Variants in ALDH1A2 observed in about 807,000 individuals in gnomAD.
ALDH1A2 encodes retinal dehydrogenase 2.
In ALDH1A2, 27 loss-of-function variants were observed where a neutral mutation model predicts 60.3. That is an observed-to-expected ratio of 0.45 (90% confidence interval 0.33 to 0.62). The LOEUF is 0.62. Among genes scored for constraint, ALDH1A2 ranks in the 20% least tolerant of loss-of-function variants. ALDH1A2 has a pLI of 0.02. For synonymous variants in ALDH1A2, 289 were observed against 232.4 expected (o/e 1.24, Z -2.21); for missense variants, 581 against 643.8 (o/e 0.90, Z 1.06).
intron 1 of ALDH1A2, among the ~76,000 whole-genome samples, chr15:58,063,655 G>T (rs957892900): frequency 2.6e-5 from 4 of 152,138 alleles, no homozygotes; most frequent in African/African-American, 4.8e-5. Flanking sequence ...ACAGATACCT[G>T]ATTTTACAAG....
intron 1 of ALDH1A2, chr15:58,014,551 C>T (rs1291592029): frequency 2.0e-6 from 1 of 505,768 alleles, no homozygotes; most frequent in Non-Finnish European, 3.9e-6. Flanking sequence ...TAGAGTGTCT[C>T]ACATACATAC....
At chr15:58,028,146 G>C (rs1566953809) in intron 1 of ALDH1A2, among the ~76,000 whole-genome samples, 1 of 152,202 alleles carries the variant, frequency 6.6e-6, no homozygotes, top group Non-Finnish European at 1.5e-5. Flanking sequence ...AGGGCAGCCA[G>C]AGAGAAAGGT....
chr15:57,956,985 C>T (rs898030541), intron 12 of ALDH1A2, among the ~76,000 whole-genome samples: 10 of 152,196 alleles, frequency 6.6e-5, no homozygotes, highest in African/African-American at 2.4e-4. Context: ...GAAAACCCTG[C>T]TGGAGCAGAG....
chr15:58,011,601 A>G (rs1286045380), intron 3 of ALDH1A2, among the ~76,000 whole-genome samples: 1 of 152,218 alleles, frequency 6.6e-6, no homozygotes, highest in East Asian at 1.9e-4. Flanking sequence ...AGTGTATTTT[A>G]TAAGACATAC....
intron 7 of ALDH1A2, among the ~76,000 whole-genome samples, chr15:57,989,652 A>G (rs1276616972): frequency 6.6e-6 from 1 of 151,742 alleles, no homozygotes; most frequent in African/African-American, 2.4e-5. Flanking sequence ...TTTTGCTCCA[A>G]CCTGTATATA....
chr15:57,970,472 T>C (rs988709445), intron 7 of ALDH1A2, among the ~76,000 whole-genome samples: 1 of 152,166 alleles, frequency 6.6e-6, no homozygotes, highest in African/African-American at 2.4e-5. Flanking sequence ...AGAGCCACAG[T>C]GTACTGGAAT....
At chr15:58,035,239 G>A (rs1309525849) in intron 1 of ALDH1A2, among the ~76,000 whole-genome samples, 7 of 151,690 alleles carry the variant, frequency 4.6e-5, no homozygotes, top group Non-Finnish European at 8.9e-5. Flanking sequence ...TGGGCAAAGA[G>A]TTGTGTATAA....
intron 1 of ALDH1A2, among the ~76,000 whole-genome samples, chr15:58,053,601 C>A (rs1896828796): frequency 6.6e-6 from 1 of 152,160 alleles, no homozygotes; most frequent in Non-Finnish European, 1.5e-5. Flanking sequence ...TCATCTTTCT[C>A]CTTAAATCAG....
chr15:57,996,466 G>A (rs1334500474), intron 4 of ALDH1A2, among the ~76,000 whole-genome samples: 4 of 149,876 alleles, frequency 2.7e-5, no homozygotes, highest in Admixed American at 6.7e-5. Flanking sequence ...TTATACAAAC[G>A]GGATATTATT....
intron 1 of ALDH1A2, among the ~76,000 whole-genome samples, chr15:58,037,879 A>C (rs1896417413): frequency 6.6e-6 from 1 of 151,768 alleles, no homozygotes; most frequent in Non-Finnish European, 1.5e-5. Flanking sequence ...CTTTGATATC[A>C]GTTGAACTCA....
intron 4 of ALDH1A2, among the ~76,000 whole-genome samples, chr15:58,008,676 T>C (rs1297136884): frequency 6.6e-6 from 1 of 152,126 alleles, no homozygotes; most frequent in African/African-American, 2.4e-5. Context: ...TGAAACATAT[T>C]TGTTGTTTTA....
chr15:57,978,780 T>A (rs1894369281), intron 7 of ALDH1A2, among the ~76,000 whole-genome samples: 1 of 152,164 alleles, frequency 6.6e-6, no homozygotes, highest in African/African-American at 2.4e-5. Context: ...CTCACGCCTG[T>A]AATCTCAGCA....
chr15:57,992,515 G>T (rs1894929603), intron 7 of ALDH1A2, among the ~76,000 whole-genome samples, 190 bp downstream of exon 7: 1 of 152,192 alleles, frequency 6.6e-6, no homozygotes, highest in Admixed American at 6.5e-5. Flanking sequence ...TATCTGTGGG[G>T]TCAAATGGTC....
intron 1 of ALDH1A2, among the ~76,000 whole-genome samples, chr15:58,035,316 T>C (rs1218522078): frequency 6.6e-6 from 1 of 151,628 alleles, no homozygotes; most frequent in Non-Finnish European, 1.5e-5. Context: ...ATTTCTGATA[T>C]TAGTAATTTG....
At chr15:57,984,241 G>A (rs1894621372) in intron 7 of ALDH1A2, among the ~76,000 whole-genome samples, 1 of 152,214 alleles carries the variant, frequency 6.6e-6, no homozygotes, top group African/African-American at 2.4e-5. Context: ...CTGTAGGGTT[G>A]CTGTAATAAT....
At chr15:57,985,063 G>A (rs1229342671) in intron 7 of ALDH1A2, among the ~76,000 whole-genome samples, 1 of 152,154 alleles carries the variant, frequency 6.6e-6, no homozygotes, top group Non-Finnish European at 1.5e-5. Flanking sequence ...CTCATAAGAT[G>A]TTGGTATATA....
chr15:58,035,429 T>C (rs1434532766), intron 1 of ALDH1A2, among the ~76,000 whole-genome samples: 1 of 150,244 alleles, frequency 6.7e-6, no homozygotes, highest in Non-Finnish European at 1.5e-5. Context: ...ATTGTTTTCA[T>C]TTTCAATTTA....
chr15:57,960,266 T>C (rs1015650473), intron 12 of ALDH1A2, among the ~76,000 whole-genome samples: 23 of 152,168 alleles, frequency 1.5e-4, no homozygotes, highest in African/African-American at 5.3e-4. Context: ...ATTTGTTAGA[T>C]TGTGAACTAG....
chr15:58,008,418 G>A (rs1270508156), intron 4 of ALDH1A2, among the ~76,000 whole-genome samples: 1 of 151,954 alleles, frequency 6.6e-6, no homozygotes, highest in Admixed American at 6.6e-5. Flanking sequence ...TCTCCAAAAC[G>A]CATCAGATGA....
Sources: gnomAD v4.1 joint callset for allele counts (sites outside exome capture counted in the v4.1 genomes callset) on GRCh38, gnomAD v4.1.1 for gene constraint, MANE v1.5 for transcripts, NCBI Gene and HGNC (gene_info 2026-07-23, HGNC 2026-07-21) for gene names.